The following LRPPRC variants were observed in gnomAD, a reference collection of about 807,000 sequenced individuals.
LRPPRC encodes the protein leucine rich pentatricopeptide repeat containing.
Under a neutral mutation model 180.3 loss-of-function variants are expected in LRPPRC, and 120 were observed. The ratio of observed to expected loss-of-function variants is 0.67; its 90% CI spans 0.57 to 0.77. The LOEUF is 0.77. Among genes scored for constraint, LRPPRC ranks in the 30% least tolerant of loss-of-function variants. LRPPRC has a pLI of 0.00. For synonymous variants in LRPPRC, 723 were observed against 600.0 expected, an observed-to-expected ratio of 1.21 and a Z score of -3.00; for missense variants, 2,012 against 1,657.2, an observed-to-expected ratio of 1.21 and a Z score of -3.72.
At chr2:43,895,316 T>C (rs1343713875) in intron 35 of LRPPRC, among the ~76,000 whole-genome samples, 2 of 152,212 alleles carry the variant, frequency 1.3e-5, no homozygotes, top group Non-Finnish European at 2.9e-5. Flanking sequence ...TTAACAGGCA[T>C]CTTAAAAATC....
chr2:43,923,471 G>A (rs1254990238), intron 27 of LRPPRC, among the ~76,000 whole-genome samples: 1 of 152,180 alleles, frequency 6.6e-6, no homozygotes, highest in Non-Finnish European at 1.5e-5. Flanking sequence ...TAGCCTGGGT[G>A]ACCCTGTCTC....
intron 1 of LRPPRC, among the ~76,000 whole-genome samples, chr2:43,989,762 T>C (rs543476885): frequency 6.6e-5 from 10 of 152,330 alleles, no homozygotes; most frequent in Non-Finnish European, 8.8e-5. Flanking sequence ...TTGCAACATA[T>C]GTAAAACATT....
intron 23 of LRPPRC, among the ~76,000 whole-genome samples, chr2:43,935,528 G>A (rs1294497480): frequency 6.6e-6 from 1 of 152,118 alleles, no homozygotes; most frequent in Non-Finnish European, 1.5e-5. Context: ...TAAAGGGTAA[G>A]CTTTTAAAAA....
At chr2:43,973,544 T>C in intron 11 of LRPPRC, 63 bp downstream of exon 11, 4 of 968,488 alleles carry the variant, frequency 4.1e-6, no homozygotes, top group Non-Finnish European at 6.8e-6. Context: ...CAATTAGATG[T>C]GCGTGCAAAC....
chr2:43,933,295 T>A (rs1287302331), intron 25 of LRPPRC, among the ~76,000 whole-genome samples: 1 of 152,164 alleles, frequency 6.6e-6, no homozygotes, highest in African/African-American at 2.4e-5. Flanking sequence ...GTTGTGTGCC[T>A]ATATTTTCAG....
At chr2:43,975,743 C>T (rs1421284291) in intron 6 of LRPPRC, among the ~76,000 whole-genome samples, 2 of 151,970 alleles carry the variant, frequency 1.3e-5, no homozygotes, top group Admixed American at 6.6e-5. Context: ...CCATCATGCC[C>T]GGCTAAATTT....
chr2:43,946,532 CTTCCAGATTAAGTAA>C (rs1413711527), intron 20 of LRPPRC, among the ~76,000 whole-genome samples: 1 of 152,130 alleles, frequency 6.6e-6, no homozygotes, highest in East Asian at 1.9e-4. Flanking sequence ...TTAAAAAAGA[CTTCCAGATTAAGTAA>C]TTCCCAAATC....
intron 29 of LRPPRC, among the ~76,000 whole-genome samples, 156 bp downstream of exon 29, chr2:43,917,869 T>C (rs556670168): frequency 1.3e-5 from 2 of 152,246 alleles, no homozygotes; most frequent in East Asian, 1.9e-4. Flanking sequence ...TGCCCCAAAA[T>C]GTTTTCGTTA....
chr2:43,959,174 T>C (rs1673237624), intron 13 of LRPPRC: 1 of 715,712 alleles, frequency 1.4e-6, no homozygotes, highest in Admixed American at 2.0e-5. Flanking sequence ...TGAGCCCAGA[T>C]TCCTCTGCTA....
chr2:43,902,184 T>C (rs1242534948), intron 31 of LRPPRC: 1 of 152,334 alleles, frequency 6.6e-6, no homozygotes, highest in Non-Finnish European at 1.5e-5. Context: ...CTTAGCCCCA[T>C]CGGTAAGTTG....
chr2:43,974,768 G>A lies in LRPPRC; in HGVS notation c.865-10C>T, dbSNP rs1485961680. The A allele has an allele frequency of 6.2e-7, 1 of 1,612,014 alleles. No individual in the cohort carries two copies. The highest frequency in any genetic ancestry group is 1.3e-5 in the African/African-American group (1 of 74,824). ...CCACCTTCTCCAGAGTCTATAGAGA[G>A]TTCCAGAAATTAGAAGACAAAGTTA... On this transcript the variant is annotated splice_polypyrimidine_tract_variant and intron_variant, in intron 7 of 37. Transcript: ENST00000260665.
Position 43,948,457 on chromosome 2 carries a change from G to C in LRPPRC, c.1797C>G (p.Ala599=). Residue 599 remains alanine, a synonymous_variant, in exon 17 of 38, where the codon GCC becomes GCG. Coordinates refer to ENST00000260665, the MANE Select transcript of LRPPRC (RefSeq NM_133259.4). The part of the protein sequence containing the change: ...IDSMSDSEVQ[A]KEEHLRQYFH... The stretch of plus-strand genomic sequence containing the variant: ...AGTATTGTCTCAAATGCTCCTCCTT[G>C]GCCTGTACCTCTGAGTCACTCATGC... The C allele has an allele frequency of 6.2e-7, 1 of 1,613,180 alleles. No individual in the cohort carries two copies. The highest frequency in any genetic ancestry group is 8.5e-7 in the Non-Finnish European group (1 of 1,179,278).
At position 43,887,805 on chromosome 2, in the gene LRPPRC, T is replaced by C. The variant is rs368384898; in HGVS notation, c.*795A>G. 6.6e-6 allele frequency: 1 copy of C among 152,222 alleles called. No individual in the cohort carries two copies. The highest frequency in any genetic ancestry group is 2.4e-5 in the African/African-American group (1 of 41,456). 9.4% of individuals were successfully genotyped at this position (152,222 alleles called of 1,614,324 possible). Reference sequence around the variant, plus strand: ...TACAAACCAATATTTTACCCCTTCATAGATGAAATCACATCTTTTCAGGAT... The same window carrying C: ...TACAAACCAATATTTTACCCCTTCACAGATGAAATCACATCTTTTCAGGAT... On this transcript the variant is annotated 3_prime_UTR_variant, in exon 38 of 38. Coordinates refer to ENST00000260665, the MANE Select transcript of LRPPRC (RefSeq NM_133259.4).
At chr2:43,987,346 T>C (rs1329964949) in intron 1 of LRPPRC, among the ~76,000 whole-genome samples, 1 of 151,846 alleles carries the variant, frequency 6.6e-6, no homozygotes, top group Non-Finnish European at 1.5e-5. Flanking sequence ...ATACAAAAAA[T>C]TAGCCAGGGG....
At chr2:43,965,094 C>T (rs188730182) in intron 11 of LRPPRC, among the ~76,000 whole-genome samples, 5 of 152,116 alleles carry the variant, frequency 3.3e-5, no homozygotes, top group Non-Finnish European at 5.9e-5. Flanking sequence ...CTCCACCTCC[C>T]GGGTTCAAGC....
rs759473064 is a variant in LRPPRC at position 43,888,665 on chromosome 2, G to A, written c.4129-9C>T. Reference sequence around the variant, plus strand: ...TAAAATTCAAAGCTTTCCTGTTAAGGAGAAAAAAAGAGGGAAGTTAGAGAT... The same window carrying A: ...TAAAATTCAAAGCTTTCCTGTTAAGAAGAAAAAAAGAGGGAAGTTAGAGAT... On this transcript the variant is annotated splice_polypyrimidine_tract_variant and intron_variant, in intron 37 of 37. Coordinates refer to ENST00000260665, the MANE Select transcript of LRPPRC (RefSeq NM_133259.4). The A allele has an allele frequency of 2.6e-5, 39 of 1,528,724 alleles. No homozygotes were observed. The highest frequency in any genetic ancestry group is 3.2e-5 in the Non-Finnish European group (35 of 1,103,052). 94.7% of individuals were successfully genotyped at this position (1,528,724 alleles called of 1,614,324 possible).
intron 11 of LRPPRC, among the ~76,000 whole-genome samples, chr2:43,972,923 T>C (rs1342923694): frequency 6.6e-6 from 1 of 152,222 alleles, no homozygotes; most frequent in African/African-American, 2.4e-5. Flanking sequence ...AGCATCTTTT[T>C]ATGAGACTAC....
At chr2:43,936,331 T>C (rs1028264384) in intron 23 of LRPPRC, among the ~76,000 whole-genome samples, 3 of 152,148 alleles carry the variant, frequency 2.0e-5, no homozygotes, top group African/African-American at 7.2e-5. Context: ...AATAATGTAA[T>C]AAAGTGGTGC....
At chr2:43,901,734 A>C (rs1172502079) in intron 31 of LRPPRC, 56 of 540,650 alleles carry the variant, frequency 1.0e-4, no homozygotes, top group Non-Finnish European at 6.6e-6. Flanking sequence ...AGGCCCGAGG[A>C]ATTTCTTCTT....
Sources: allele counts gnomAD v4.1 joint callset (sites outside exome capture counted in the v4.1 genomes callset), GRCh38; gene constraint gnomAD v4.1.1; transcripts MANE v1.5; gene names NCBI Gene and HGNC (gene_info 2026-07-23, HGNC 2026-07-21).